Variants in BAIAP2 observed in about 807,000 individuals in gnomAD.
BAIAP2 encodes BAR/IMD domain-containing adapter protein 2.
BAIAP2 carries 18 observed loss-of-function variants against 63.0 expected under a neutral mutation model. That is an observed-to-expected ratio of 0.29 (90% CI 0.20 to 0.42). The LOEUF (loss-of-function observed/expected upper bound fraction) is 0.42, where lower values mean the gene tolerates loss of function less well. BAIAP2 is among the 10% of genes least tolerant of loss of function. The pLI, the probability that BAIAP2 is intolerant of heterozygous loss-of-function variation, is 1.00. For missense variants in BAIAP2, 610 were observed against 734.3 expected, an observed-to-expected ratio of 0.83 and a Z score of 1.96; for synonymous variants, 386 against 307.6, an observed-to-expected ratio of 1.25 and a Z score of -2.67.
At chr17:81,047,867 A>T (rs1305971353) in intron 1 of BAIAP2, among the ~76,000 whole-genome samples, 3 of 152,240 alleles carry the variant, frequency 2.0e-5, no homozygotes, top group African/African-American at 7.2e-5. Context: ...CGCATGCAGC[A>T]CATGGCCGCA....
At chr17:81,058,038 T>C in intron 3 of BAIAP2, 71 bp downstream of exon 3, 1 of 1,087,956 alleles carries the variant, frequency 9.2e-7, no homozygotes, top group African/African-American at 1.7e-5. Context: ...CCCTGTCCTG[T>C]GTCCAGCCGC....
At chr17:81,114,525 C>T (rs968976419) in intron 13 of BAIAP2, among the ~76,000 whole-genome samples, 1 of 152,196 alleles carries the variant, frequency 6.6e-6, no homozygotes, top group Admixed American at 6.5e-5. Flanking sequence ...GGCTCCAGCA[C>T]GTTGAGAGTA....
rs769057369 is a variant in BAIAP2, at chr17:81,053,663, TC to T, written c.55-3del. The T allele has an allele frequency of 8.6e-5, 139 of 1,613,976 alleles. No homozygotes were observed. The highest frequency in any genetic ancestry group is 1.1e-4 in the Non-Finnish European group (130 of 1,179,952). ...TAATGCTGTTTCTTCTCTGCTTTCT[TC>T]CAGACCATCATGGAGCAGTTCAACC... On this transcript the variant is annotated splice_polypyrimidine_tract_variant and splice_region_variant and intron_variant, in intron 1 of 13. Coordinates refer to ENST00000428708, the MANE Select transcript of BAIAP2 (RefSeq NM_001144888.2).
At chr17:81,086,769 A>T (rs908219715) in intron 6 of BAIAP2, among the ~76,000 whole-genome samples, 189 bp downstream of exon 6, 3 of 152,176 alleles carry the variant, frequency 2.0e-5, no homozygotes, top group African/African-American at 7.2e-5. Flanking sequence ...TGGTCGGCTC[A>T]CCTGTGGGGC....
intron 3 of BAIAP2, among the ~76,000 whole-genome samples, chr17:81,066,615 G>A (rs894028442): frequency 7.2e-5 from 11 of 152,330 alleles, no homozygotes; most frequent in Admixed American, 1.3e-4. Flanking sequence ...TCTCTGAAAC[G>A]TGGGGCCCTG....
In BAIAP2 at chr17:81,099,302, C is replaced by T. The variant is rs919524639; in HGVS notation, c.490-626C>T. Among the ~76,000 whole-genome samples the T allele has an allele frequency of 3.9e-4, 60 of 152,196 alleles. 1 individual carries two copies. The highest frequency in any genetic ancestry group is 3.7e-3 in the Admixed American group (57 of 15,284). On this transcript the variant is annotated intron_variant, in intron 6 of 13. Transcript: ENST00000428708. ...CCAGGTGTCTTAGCGTCCCGCTCCC[C>T]GTCATTCAGAGCCGGAGCCGGGTGG...
At chr17:81,081,568 A>G (rs1357463454) in intron 3 of BAIAP2, among the ~76,000 whole-genome samples, 1 of 152,130 alleles carries the variant, frequency 6.6e-6, no homozygotes, top group Non-Finnish European at 1.5e-5. Context: ...GCTCACGTCC[A>G]AGTGGCTTCC....
chr17:81,066,782 C>T (rs1367354952), intron 3 of BAIAP2, among the ~76,000 whole-genome samples: 2 of 152,214 alleles, frequency 1.3e-5, no homozygotes, highest in Non-Finnish European at 2.9e-5. Context: ...GTCACGGCCC[C>T]TCTGGGCTCA....
intron 3 of BAIAP2, among the ~76,000 whole-genome samples, chr17:81,061,463 G>A (rs577359350): frequency 2.0e-5 from 3 of 152,270 alleles, no homozygotes; most frequent in South Asian, 2.1e-4. Context: ...CCACTGATCC[G>A]CTTTCTGTCA....
At chr17:81,103,819 C>A in intron 8 of BAIAP2, 88 bp from the exon 9 acceptor site, 2 of 1,589,180 alleles carry the variant, frequency 1.3e-6, no homozygotes, top group East Asian at 4.5e-5. Flanking sequence ...TCCAGGGGCC[C>A]CTGCTGAGGG....
chr17:81,046,885 A>C lies in BAIAP2; in HGVS notation c.55-6783A>C, dbSNP rs2047894900. 6.6e-6 allele frequency among the ~76,000 whole-genome samples: 1 copy of C among 152,192 alleles called. No homozygotes were observed. The highest frequency in any genetic ancestry group is 2.1e-4 in the South Asian group (1 of 4,834). Reference sequence around the variant, plus strand: ...GTCCGTGTCTGTGTGTGGGGTCCTCATGCTGTGGCTGTGGTGGCACAGCGG... The same window carrying C: ...GTCCGTGTCTGTGTGTGGGGTCCTCCTGCTGTGGCTGTGGTGGCACAGCGG... On this transcript the variant is annotated intron_variant, in intron 1 of 13. Transcript: ENST00000428708. The surrounding 1 kb of genome is among the most constrained non-coding windows in gnomAD (Gnocchi z 4.5).
At chr17:81,110,442 CT>C (rs1221031959) in intron 13 of BAIAP2, 2 of 993,974 alleles carry the variant, frequency 2.0e-6, no homozygotes, top group Non-Finnish European at 2.4e-6. Flanking sequence ...GTTTCCTTTC[CT>C]TTTTTTTAAA....
rs574692154 is a variant in BAIAP2, at chr17:81,116,614, G to A, written c.*775G>A. 1 of 434,926 alleles carries A rather than the reference G, an allele frequency of 2.3e-6. No individual in the cohort carries two copies. The highest frequency in any genetic ancestry group is 3.6e-5 in the Admixed American group (1 of 27,658). 26.9% of individuals were successfully genotyped at this position (434,926 alleles called of 1,614,324 possible). On this transcript the variant is annotated 3_prime_UTR_variant, in exon 14 of 14. Coordinates refer to ENST00000428708, the MANE Select transcript of BAIAP2 (RefSeq NM_001144888.2). ...CAGGTGGGGGCTTCCCCGCTTCCGG[G>A]GTCTGCCCCAGGACTCCTGGGTGGA...
At chr17:81,112,752 T>C (rs1273265346) in intron 13 of BAIAP2, among the ~76,000 whole-genome samples, 1 of 152,180 alleles carries the variant, frequency 6.6e-6, no homozygotes, top group Non-Finnish European at 1.5e-5. Context: ...TTCAAGTCAT[T>C]GGTGAAGCTG....
chr17:81,082,210 C>G (rs2054739781), intron 3 of BAIAP2, among the ~76,000 whole-genome samples: 1 of 152,158 alleles, frequency 6.6e-6, no homozygotes, highest in Non-Finnish European at 1.5e-5. Flanking sequence ...GCCAGGCACA[C>G]ACAGCCACAC....
At chr17:81,065,694 C>T (rs2051341949) in intron 3 of BAIAP2, among the ~76,000 whole-genome samples, 1 of 152,252 alleles carries the variant, frequency 6.6e-6, no homozygotes, top group Non-Finnish European at 1.5e-5. Context: ...TGGGCTGAGC[C>T]TGGGTCTATG....
intron 6 of BAIAP2, among the ~76,000 whole-genome samples, chr17:81,099,536 C>T (rs140593868): frequency 1.3e-5 from 2 of 152,266 alleles, no homozygotes; most frequent in Non-Finnish European, 2.9e-5. Flanking sequence ...TCCTGGGGCC[C>T]ATGGAGCTGG....
rs990555274 is a variant in BAIAP2 at position 81,085,824 on chromosome 17, C to G, written c.351+99C>G. On this transcript the variant is annotated intron_variant, in intron 5 of 13. Coordinates refer to ENST00000428708, the MANE Select transcript of BAIAP2 (RefSeq NM_001144888.2). ...CCTCGGCCTGAAGGCTTCCCACTTC[C>G]CCGAGCTCCCCGTCCACATGGGCCC... 43 of 888,770 alleles carry G rather than the reference C, an allele frequency of 4.8e-5. No individual in the cohort carries two copies. In the Admixed American group the frequency reaches 8.5e-4, roughly 18 times the overall value. The allele number at this position is 888,770 out of a possible 1,614,324, so 55.1% of individuals were successfully genotyped here.
Position 81,035,187 on chromosome 17 carries a change from G to C in BAIAP2, c.-68G>C, listed in dbSNP as rs1366622348. ...CCGCTTTCGTCTCCGTCCTGCTGCC[G>C]TTACCGCCGCTGCTGCCGCCGCTTG... On this transcript the variant is annotated 5_prime_UTR_variant, in exon 1 of 14. Transcript: ENST00000428708. The C allele has an allele frequency of 2.2e-6, 3 of 1,338,980 alleles. No individual in the cohort carries two copies. Among genetic ancestry groups the C allele is most frequent in the East Asian group, 3.2e-5 (1 of 30,842 alleles). The allele number at this position is 1,338,980 out of a possible 1,614,324, so 82.9% of individuals were successfully genotyped here. A position where few individuals can be genotyped will look rare whatever the true frequency, so the allele number is the denominator to read the frequency against.
Sources: allele counts gnomAD v4.1 joint callset (sites outside exome capture counted in the v4.1 genomes callset), GRCh38; gene constraint gnomAD v4.1.1; non-coding constraint Gnocchi (gnomAD v3.1); transcripts MANE v1.5; gene names NCBI Gene and HGNC (gene_info 2026-07-23, HGNC 2026-07-21).